PLPPR5: variants seen among roughly 807,000 people sequenced by gnomAD.
PLPPR5 encodes the protein phospholipid phosphatase-related protein type 5.
In PLPPR5, 16 loss-of-function variants were observed where a neutral mutation model predicts 33.9. The observed-to-expected ratio is 0.47, with a 90% CI of 0.32 to 0.72. The LOEUF (loss-of-function observed/expected upper bound fraction) is 0.72. PLPPR5 is among the 30% of genes least tolerant of loss of function. The pLI, the probability that PLPPR5 is intolerant of heterozygous loss-of-function variation, is 0.03. For missense variants in PLPPR5, 301 were observed against 406.7 expected (o/e 0.74, Z 2.23); for synonymous variants, 163 against 150.3 (o/e 1.08, Z -0.62).
chr1:98,907,617 T>G (rs1428984019), intron 5 of PLPPR5, among the ~76,000 whole-genome samples: 1 of 152,222 alleles, frequency 6.6e-6, no homozygotes, highest in Non-Finnish European at 1.5e-5. Context: ...ATAGGACAGA[T>G]TTAGCTCAGT....
intron 3 of PLPPR5, among the ~76,000 whole-genome samples, chr1:98,931,532 T>C (rs1375760557): frequency 6.6e-6 from 1 of 152,166 alleles, no homozygotes; most frequent in Non-Finnish European, 1.5e-5. Context: ...ATGCTATTAA[T>C]ACATGCAGTA....
intron 1 of PLPPR5, chr1:98,991,051 C>T (rs546820907): frequency 6.6e-5 from 10 of 152,162 alleles, no homozygotes; most frequent in African/African-American, 1.4e-4. Flanking sequence ...CTATAATGCA[C>T]AACCATGTAG....
intron 1 of PLPPR5, among the ~76,000 whole-genome samples, chr1:98,994,277 C>T (rs1174720183): frequency 6.6e-6 from 1 of 151,880 alleles, no homozygotes; most frequent in Non-Finnish European, 1.5e-5. Flanking sequence ...AGAATGGAAG[C>T]AGAAAAAGTT....
At chr1:98,942,820 G>C (rs1370221375) in intron 3 of PLPPR5, among the ~76,000 whole-genome samples, 1 of 152,186 alleles carries the variant, frequency 6.6e-6, no homozygotes, top group African/African-American at 2.4e-5. Flanking sequence ...CATTCACTGA[G>C]GCATCAGAGT....
intron 5 of PLPPR5, among the ~76,000 whole-genome samples, chr1:98,905,957 T>C (rs1330654180): frequency 1.3e-5 from 2 of 152,052 alleles, no homozygotes; most frequent in African/African-American, 2.4e-5. Context: ...CTAGAATAGA[T>C]AGAGTAGGAT....
intron 1 of PLPPR5, among the ~76,000 whole-genome samples, chr1:98,981,019 A>T (rs1227668994): frequency 6.6e-6 from 1 of 152,084 alleles, no homozygotes; most frequent in Non-Finnish European, 1.5e-5. Context: ...AAGTGAGAAA[A>T]ACCCAAGAAT....
chr1:98,900,521 CG>C (rs566190877), intron 5 of PLPPR5, among the ~76,000 whole-genome samples: 235 of 152,172 alleles, frequency 1.5e-3, no homozygotes, highest in African/African-American at 5.3e-3. Flanking sequence ...TCATATATTA[CG>C]AATCTGATTA....
intron 1 of PLPPR5, among the ~76,000 whole-genome samples, chr1:99,000,754 T>C (rs535009655): frequency 2.7e-4 from 41 of 152,336 alleles, no homozygotes; most frequent in African/African-American, 9.1e-4. Context: ...TATGCATATA[T>C]ACATACATAT....
chr1:98,910,637 G>C (rs945725378), intron 5 of PLPPR5, among the ~76,000 whole-genome samples: 1 of 152,094 alleles, frequency 6.6e-6, no homozygotes, highest in African/African-American at 2.4e-5. Context: ...TCAGTTCAGG[G>C]TAGCAGATGG....
upstream of PLPPR5, among the ~76,000 whole-genome samples, chr1:99,005,457 T>G (rs1258038970): frequency 6.6e-6 from 1 of 152,162 alleles, no homozygotes; most frequent in Non-Finnish European, 1.5e-5. Flanking sequence ...CCTCTGCAGC[T>G]TCCTAGGGCT....
At chr1:98,893,325 A>T (rs1648351564) in intron 5 of PLPPR5, among the ~76,000 whole-genome samples, 1 of 152,070 alleles carries the variant, frequency 6.6e-6, no homozygotes, top group Non-Finnish European at 1.5e-5. Flanking sequence ...TTAAAATGTT[A>T]TACCTGCTTT....
At chr1:98,972,824 C>T (rs910150671) in intron 1 of PLPPR5, among the ~76,000 whole-genome samples, 23 of 152,002 alleles carry the variant, frequency 1.5e-4, no homozygotes, top group Non-Finnish European at 2.5e-4. Flanking sequence ...CTGGGCATGG[C>T]GTGAGATTCT....
At chr1:98,909,014 C>G (rs1327076633) in intron 5 of PLPPR5, among the ~76,000 whole-genome samples, 1 of 150,674 alleles carries the variant, frequency 6.6e-6, no homozygotes, top group Admixed American at 6.6e-5. Context: ...GATTTTCAGT[C>G]ATAAAATTAT....
chr1:98,891,231 T>A lies in PLPPR5; in HGVS notation c.*1841A>T, dbSNP rs1399265112. The A allele has an allele frequency of 6.6e-6, 1 of 152,134 alleles. No individual in the cohort carries two copies. Among genetic ancestry groups the A allele is most frequent in the African/African-American group, 2.4e-5 (1 of 41,430 alleles). The allele number at this position is 152,134 out of a possible 1,614,324, so 9.4% of individuals were successfully genotyped here. On this transcript the variant is annotated 3_prime_UTR_variant, in exon 6 of 6. Coordinates refer to ENST00000263177, the MANE Select transcript of PLPPR5 (RefSeq NM_001037317.2). ...TTAGTAGAAATTTTCTTTTCTTTTC[T>A]CTTTTTGGCCCTAGTAGAAGTGTTT...
At chr1:98,996,480 T>C (rs1269380578) in intron 1 of PLPPR5, among the ~76,000 whole-genome samples, 1 of 152,080 alleles carries the variant, frequency 6.6e-6, no homozygotes, top group African/African-American at 2.4e-5. Context: ...ACTAAAAAAG[T>C]AACCAGCCTG....
At chr1:98,963,525 CAGAG>C (rs138157987) in intron 1 of PLPPR5, among the ~76,000 whole-genome samples, 2 of 151,402 alleles carry the variant, frequency 1.3e-5, no homozygotes, top group Non-Finnish European at 3.0e-5. Flanking sequence ...CAGAGAGAGA[CAGAG>C]AGAGAGAGAG....
At chr1:98,997,170 T>C (rs2100765660) in intron 1 of PLPPR5, among the ~76,000 whole-genome samples, 1 of 152,312 alleles carries the variant, frequency 6.6e-6, no homozygotes, top group East Asian at 1.9e-4. Flanking sequence ...CTATCACTTA[T>C]CAAGCACTTA....
At chr1:98,911,243 AG>A (rs1418498925) in intron 5 of PLPPR5, among the ~76,000 whole-genome samples, 32 of 152,220 alleles carry the variant, frequency 2.1e-4, no homozygotes, top group Non-Finnish European at 4.4e-4. Flanking sequence ...GGAGCTCAGC[AG>A]GGTGTGGTGC....
chr1:98,899,575 T>G (rs1007706657), intron 5 of PLPPR5, among the ~76,000 whole-genome samples: 6 of 152,118 alleles, frequency 3.9e-5, no homozygotes, highest in Non-Finnish European at 7.4e-5. Flanking sequence ...TGACATTAAC[T>G]GCACATTATA....
Sources: gnomAD v4.1 joint callset for allele counts (sites outside exome capture counted in the v4.1 genomes callset) on GRCh38, gnomAD v4.1.1 for gene constraint, MANE v1.5 for transcripts, NCBI Gene and HGNC (gene_info 2026-07-23, HGNC 2026-07-21) for gene names.